Variants in TBC1D30 observed in about 807,000 individuals in gnomAD.
TBC1D30 encodes TBC1 domain family member 30.
A neutral mutation model predicts 63.2 loss-of-function variants in TBC1D30; 31 were observed. The observed-to-expected ratio is 0.49, with a 90% CI of 0.37 to 0.66. The LOEUF (loss-of-function observed/expected upper bound fraction) is 0.66. Among genes scored for constraint, TBC1D30 ranks in the 30% least tolerant of loss-of-function variants. TBC1D30 has a pLI of 0.00. For missense variants in TBC1D30, 810 were observed against 953.6 expected (o/e 0.85, Z 1.98); for synonymous variants, 307 against 361.5 (o/e 0.85, Z 1.71).
Position 64,836,503 on chromosome 12 carries a change from T to G in TBC1D30, c.608T>G (p.Leu203Arg). Residue 203 changes from leucine to arginine, a missense_variant, in exon 6 of 12, where the codon CTT (leucine) becomes CGT (arginine). Physicochemically the swap from Leu to Arg is moderately radical, Grantham distance 102 (BLOSUM62 -2). Around this residue, in one of 4 missense-constraint regions of TBC1D30, gnomAD observed 272 missense variants for 335.9 expected, o/e 0.81. Transcript: ENST00000539867. ...EGDALKIMIY[L>R]IDKVLPESYF... ...TTTTTTCTTTAGATTATGATTTACC[T>G]TATTGATAAGGTACTTCCCGAAAGC... The G allele has an allele frequency of 2.0e-6, 3 of 1,535,782 alleles. No homozygotes were observed. The highest frequency in any genetic ancestry group is 2.6e-6 in the Non-Finnish European group (3 of 1,146,668).
At chr12:64,789,287 C>T (rs558268187) in intron 2 of TBC1D30, among the ~76,000 whole-genome samples, 2 of 150,468 alleles carry the variant, frequency 1.3e-5, no homozygotes, top group African/African-American at 4.9e-5. Context: ...CGGGTTCAAG[C>T]GATCCTCTTA....
At chr12:64,819,012 T>C (rs1317014072) in intron 2 of TBC1D30, among the ~76,000 whole-genome samples, 1 of 152,222 alleles carries the variant, frequency 6.6e-6, no homozygotes, top group East Asian at 1.9e-4. Flanking sequence ...TGGTTAGTTA[T>C]GCATCTAAGG....
Position 64,843,410 on chromosome 12 carries a change from A to G in TBC1D30, c.963A>G (p.Glu321=), listed in dbSNP as rs967879262. ...TAGAATGTTGTGAAACAGCAGATGA[A>G]TTCTACAGCACCATGGGGCGCCTTA... ...EQIECCETAD[E]FYSTMGRLTQ... Residue 321 remains glutamate (E), a synonymous_variant, in exon 8 of 12, where the codon GAA becomes GAG. Coordinates refer to ENST00000539867, the MANE Select transcript of TBC1D30 (RefSeq NM_015279.2). 36 of 1,536,364 alleles carry G rather than the reference A, an allele frequency of 2.3e-5. No individual in the cohort carries two copies. The African/African-American group carries it at 4.2e-4, about 18-fold the overall frequency.
At chr12:64,805,214 A>G (rs1202777222) in intron 2 of TBC1D30, among the ~76,000 whole-genome samples, 1 of 152,152 alleles carries the variant, frequency 6.6e-6, no homozygotes, top group Non-Finnish European at 1.5e-5. Context: ...AGAAGACTTT[A>G]AAACAAAATA....
chr12:64,874,770 A>G (rs1592668791), intron 11 of TBC1D30, among the ~76,000 whole-genome samples: 1 of 151,970 alleles, frequency 6.6e-6, no homozygotes, highest in African/African-American at 2.4e-5. Flanking sequence ...TCCTTTTTGT[A>G]TCATCACCCT....
At chr12:64,863,294 A>T (rs1877948013) in intron 8 of TBC1D30, among the ~76,000 whole-genome samples, 1 of 152,038 alleles carries the variant, frequency 6.6e-6, no homozygotes, top group Non-Finnish European at 1.5e-5. Context: ...TGAGTTTCAC[A>T]CCCTTTATTT....
chr12:64,770,975 G>A (rs1210317455), intron 1 of TBC1D30, among the ~76,000 whole-genome samples: 1 of 151,532 alleles, frequency 6.6e-6, no homozygotes, highest in African/African-American at 2.4e-5. Flanking sequence ...GCAGATCCCA[G>A]TGCTGGGATT....
At chr12:64,845,168 T>C (rs926565408) in intron 8 of TBC1D30, among the ~76,000 whole-genome samples, 1 of 152,134 alleles carries the variant, frequency 6.6e-6, no homozygotes, top group Non-Finnish European at 1.5e-5. Context: ...GTAGCTCTAA[T>C]TTTAGTTTTT....
chr12:64,874,899 A>G (rs546762588), intron 11 of TBC1D30, 102 bp from the exon 12 acceptor site: 1 of 1,091,434 alleles, frequency 9.2e-7, no homozygotes, highest in South Asian at 1.6e-5. Flanking sequence ...ATGGGAAGGG[A>G]TGTGGTAGAC....
In TBC1D30 at chr12:64,793,527, G is replaced by T. The variant is rs527550910; in HGVS notation, c.643+7482G>T. Reference sequence around the variant, plus strand: ...AAAAAAGAATTAGCTGGGCGTGGTGGCACGCACCTGTAATCCCAGCTACTC... The same window carrying T: ...AAAAAAGAATTAGCTGGGCGTGGTGTCACGCACCTGTAATCCCAGCTACTC... On this transcript the variant is annotated intron_variant, in intron 2 of 12. Coordinates refer to the TBC1D30 transcript ENST00000542120. 5.9e-3 allele frequency among the ~76,000 whole-genome samples: 903 copies of T among 151,802 alleles called. 2 individuals carry two copies. The highest frequency in any genetic ancestry group is 8.5e-3 in the Non-Finnish European group (578 of 67,970).
At chr12:64,777,890 G>T (rs918346763), upstream of TBC1D30, among the ~76,000 whole-genome samples, 1 of 152,210 alleles carries the variant, frequency 6.6e-6, no homozygotes, top group African/African-American at 2.4e-5. Flanking sequence ...CTTTCAAGTT[G>T]CTGGGATTAC....
At chr12:64,822,012 T>C (rs945261949), upstream of TBC1D30, among the ~76,000 whole-genome samples, 6 of 152,208 alleles carry the variant, frequency 3.9e-5, no homozygotes, top group Admixed American at 3.9e-4. Flanking sequence ...TGCAGATGGC[T>C]CATCTCATTT....
At chr12:64,781,776 C>T (rs1394753989) in intron 1 of TBC1D30, among the ~76,000 whole-genome samples, 1 of 151,024 alleles carries the variant, frequency 6.6e-6, no homozygotes, top group Admixed American at 6.6e-5. Flanking sequence ...CAGAATAATT[C>T]GATAATGCGG....
At chr12:64,870,546 T>C in intron 10 of TBC1D30, 56 bp from the exon 11 acceptor site, 1 of 1,409,982 alleles carries the variant, frequency 7.1e-7, no homozygotes, top group Admixed American at 2.0e-5. Context: ...TCAATTTCCA[T>C]TTACTCCTGT....
chr12:64,838,646 A>G, intron 6 of TBC1D30, 37 bp from the exon 7 acceptor site: 1 of 1,531,524 alleles, frequency 6.5e-7, no homozygotes, highest in Non-Finnish European at 8.7e-7. Context: ...GCCAATCATC[A>G]GTTCTGAAGG....
chr12:64,807,918 GTTTT>G (rs774145443), intron 2 of TBC1D30, among the ~76,000 whole-genome samples: 1 of 93,524 alleles, frequency 1.1e-5, no homozygotes, highest in African/African-American at 5.5e-5. Flanking sequence ...CCTAATTTAA[GTTTT>G]TTTTTTTTTT....
At chr12:64,763,533 TCTTTA>T (rs755022363) in intron 1 of TBC1D30, among the ~76,000 whole-genome samples, 11 of 152,144 alleles carry the variant, frequency 7.2e-5, no homozygotes, top group Non-Finnish European at 1.5e-4. Flanking sequence ...TTTTGGTTAC[TCTTTA>T]CTTCTTAATG....
At chr12:64,853,011 A>C (rs1252197501) in intron 8 of TBC1D30, among the ~76,000 whole-genome samples, 1 of 152,168 alleles carries the variant, frequency 6.6e-6, no homozygotes, top group East Asian at 1.9e-4. Flanking sequence ...GTAGAGCTCG[A>C]GCACTGTGCG....
intron 1 of TBC1D30, among the ~76,000 whole-genome samples, chr12:64,825,858 C>T (rs574330375): frequency 2.0e-5 from 3 of 152,294 alleles, no homozygotes; most frequent in South Asian, 2.1e-4. Context: ...GCACCGGCTG[C>T]GTTCCAGGCG....
Sources: allele counts gnomAD v4.1 joint callset (sites outside exome capture counted in the v4.1 genomes callset), GRCh38; gene constraint gnomAD v4.1.1; regional missense constraint gnomAD v4.1.1; transcripts MANE v1.5; gene names NCBI Gene and HGNC (gene_info 2026-07-23, HGNC 2026-07-21).